MATR3: variants seen among roughly 807,000 people sequenced by gnomAD.
The protein encoded by MATR3 is matrin 3, also known as matrin-3.
In MATR3, 4 loss-of-function variants were observed where a neutral mutation model predicts 85.5. The ratio of observed to expected loss-of-function variants is 0.05; its 90% CI spans 0.02 to 0.11. MATR3 has a LOEUF of 0.11. MATR3 is among the 10% of genes least tolerant of loss of function. The pLI, the probability that MATR3 is intolerant of heterozygous loss-of-function variation, is 1.00. For synonymous variants in MATR3, 336 were observed against 343.1 expected, an observed-to-expected ratio of 0.98 and a Z score of 0.23; for missense variants, 685 against 1,016.1, an observed-to-expected ratio of 0.67 and a Z score of 4.43.
chr5:139,317,218 A>T, intron 6 of MATR3, 113 bp downstream of exon 6: 1 of 1,052,674 alleles, frequency 9.5e-7, no homozygotes, highest in South Asian at 1.4e-5. Flanking sequence ...CATTGCTGTA[A>T]TTTGAAAACA....
chr5:139,290,435 G>GCC (rs1753834596), upstream of MATR3, among the ~76,000 whole-genome samples: 1 of 50,312 alleles, frequency 2.0e-5, no homozygotes, highest in Non-Finnish European at 3.1e-5. Flanking sequence ...GCGCCTGGCC[G>GCC]CTCTTTTTTT....
chr5:139,321,047 G>A (rs759643029), intron 9 of MATR3, among the ~76,000 whole-genome samples: 1 of 151,310 alleles, frequency 6.6e-6, no homozygotes, highest in Non-Finnish European at 1.5e-5. Context: ...GAGCCACCGC[G>A]CCCAGCCAGC....
upstream of MATR3, among the ~76,000 whole-genome samples, chr5:139,292,870 G>A (rs1289251592): frequency 2.0e-5 from 3 of 152,186 alleles, no homozygotes; most frequent in East Asian, 3.9e-4. Context: ...GTGAACCCGG[G>A]AGGCGGAGTT....
At chr5:139,318,260 A>G (rs760346408) in intron 7 of MATR3, among the ~76,000 whole-genome samples, 12 of 151,730 alleles carry the variant, frequency 7.9e-5, no homozygotes, top group African/African-American at 2.2e-4. Flanking sequence ...CAGCCTCCCA[A>G]GTAGCTGGGA....
intron 1 of MATR3, chr5:139,294,058 C>T (rs1180918337): frequency 4.0e-6 from 5 of 1,252,092 alleles, no homozygotes; most frequent in East Asian, 3.1e-5. Flanking sequence ...AACACGCGGC[C>T]GGCCAAGGGC....
At chr5:139,299,651 C>T (rs927010314) in intron 1 of MATR3, among the ~76,000 whole-genome samples, 2 of 152,146 alleles carry the variant, frequency 1.3e-5, no homozygotes, top group Admixed American at 1.3e-4. Flanking sequence ...GAGGAAGACC[C>T]TGTCTTGAAA....
chr5:139,307,253 T>G lies in MATR3; in HGVS notation c.-163T>G. On this transcript the variant is annotated 5_prime_UTR_variant, in exon 2 of 15. Coordinates refer to ENST00000394805, the MANE Select transcript of MATR3 (RefSeq NM_018834.6). The surrounding 1 kb of genome is among the most constrained non-coding windows in gnomAD (Gnocchi z 4.4). ...TTTTTCTACAGAGTTGTCTGCTGGTTCTCAGCTTGAAGAAGATTCTGCAGT... is the reference window on the plus strand; with the variant it reads ...TTTTTCTACAGAGTTGTCTGCTGGTGCTCAGCTTGAAGAAGATTCTGCAGT... The G allele has an allele frequency of 7.5e-7, 1 of 1,327,256 alleles. No individual in the cohort carries two copies. Among genetic ancestry groups the G allele is most frequent in the Non-Finnish European group, 9.6e-7 (1 of 1,043,510 alleles). 82.2% of individuals were successfully genotyped at this position (1,327,256 alleles called of 1,614,324 possible).
chr5:139,330,360 T>G lies in MATR3; in HGVS notation c.*965T>G, dbSNP rs1488294486. 2.2e-5 allele frequency: 10 copies of G among 454,396 alleles called. 1 individual carries two copies. The highest frequency in any genetic ancestry group is 4.4e-5 in the Non-Finnish European group (10 of 226,782). The allele number at this position is 454,396 out of a possible 1,614,324, so 28.1% of individuals were successfully genotyped here. A position where few individuals can be genotyped will look rare whatever the true frequency, so the allele number is the denominator to read the frequency against. ...GTTATATACTGCTTATATCTGTGGA[T>G]TCAAGTTACTGAAGTGAATACCAAT... On this transcript the variant is annotated 3_prime_UTR_variant, in exon 15 of 15. Coordinates refer to ENST00000394805, the MANE Select transcript of MATR3 (RefSeq NM_018834.6).
rs78099646 is a variant in MATR3 at position 139,299,125 on chromosome 5, T to A, written c.-178+5320T>A. 8.9e-3 allele frequency among the ~76,000 whole-genome samples: 1,361 copies of A among 152,290 alleles called. 24 individuals are homozygous for A. The highest frequency in any genetic ancestry group is 0.032 in the African/African-American group (1,333 of 41,550). ...TTTATTTCCAAAGTCTCGTTAATGT[T>A]TTGTTTCGTATTTTTATATACACTG... On this transcript the variant is annotated intron_variant, in intron 1 of 14. Transcript: ENST00000394805.
intron 7 of MATR3, 43 bp downstream of exon 7, chr5:139,317,764 T>A (rs779884604): frequency 6.8e-6 from 10 of 1,472,040 alleles, no homozygotes; most frequent in Non-Finnish European, 9.4e-6. Flanking sequence ...TTCATGCCAC[T>A]AATATATGTT....
intron 2 of MATR3, among the ~76,000 whole-genome samples, chr5:139,277,780 T>A (rs115080754): frequency 0.019 from 2,711 of 145,048 alleles, 94 homozygotes; most frequent in African/African-American, 0.072. Flanking sequence ...TTTTTTTTTT[T>A]AATTGACAGT....
chr5:139,280,191 CTG>C (rs1172019028), intron 3 of MATR3: 1 of 152,150 alleles, frequency 6.6e-6, no homozygotes, highest in Admixed American at 6.5e-5. Flanking sequence ...TTTATGGACA[CTG>C]AATTAGAATT....
In MATR3 at chr5:139,330,520, T is replaced by C. The variant is rs1311063276; in HGVS notation, c.*1125T>C. On this transcript the variant is annotated 3_prime_UTR_variant, in exon 15 of 15. Transcript: ENST00000394805. ...CAATTTATTACTTTTAAATCTAGAG[T>C]GAATTCTAAAGACTGCCGCTAAAGA... 2.2e-6 allele frequency: 1 copy of C among 454,140 alleles called. No homozygotes were observed. The highest frequency in any genetic ancestry group is 2.0e-5 in the African/African-American group (1 of 50,130). The allele number at this position is 454,140 out of a possible 1,614,324, so 28.1% of individuals were successfully genotyped here. A position where few individuals can be genotyped will look rare whatever the true frequency, so the allele number is the denominator to read the frequency against.
chr5:139,308,802 A>G (rs1426084479), intron 2 of MATR3, among the ~76,000 whole-genome samples: 1 of 152,154 alleles, frequency 6.6e-6, no homozygotes, highest in Non-Finnish European at 1.5e-5. Flanking sequence ...GAGTTAATGT[A>G]GAGCCCTGGT....
chr5:139,289,781 T>C (rs559496188), upstream of MATR3, among the ~76,000 whole-genome samples: 2 of 152,340 alleles, frequency 1.3e-5, no homozygotes, highest in East Asian at 3.9e-4. Flanking sequence ...TCCTGCTTTC[T>C]CTCCTCTAGT....
upstream of MATR3, among the ~76,000 whole-genome samples, chr5:139,293,008 C>T (rs1243894408): frequency 2.0e-5 from 3 of 152,090 alleles, no homozygotes; most frequent in African/African-American, 7.2e-5. Context: ...TAATCCAATG[C>T]TGAGAGGCGG....
intron 1 of MATR3, among the ~76,000 whole-genome samples, chr5:139,304,454 C>G (rs945295884): frequency 1.3e-5 from 2 of 149,538 alleles, no homozygotes; most frequent in Admixed American, 6.7e-5. Flanking sequence ...GAGCTGAGAT[C>G]GTGCCATTGC....
At chr5:139,324,699 C>G (rs1755756734) in intron 12 of MATR3, among the ~76,000 whole-genome samples, 1 of 152,122 alleles carries the variant, frequency 6.6e-6, no homozygotes, top group Non-Finnish European at 1.5e-5. Context: ...TTTACCAAAT[C>G]AAGTTTTTTA....
At chr5:139,313,105 G>T (rs1755074137) in intron 2 of MATR3, 1 of 140,942 alleles carries the variant, frequency 7.1e-6, no homozygotes, top group Non-Finnish European at 1.5e-5. Context: ...CTTGTAATTT[G>T]GTACCTTGGT....
Sources: allele counts gnomAD v4.1 joint callset (sites outside exome capture counted in the v4.1 genomes callset), GRCh38; gene constraint gnomAD v4.1.1; non-coding constraint Gnocchi (gnomAD v3.1); transcripts MANE v1.5; gene names NCBI Gene and HGNC (gene_info 2026-07-23, HGNC 2026-07-21).